PRKDC: variants seen among roughly 807,000 people sequenced by gnomAD.
PRKDC encodes DNA-dependent protein kinase catalytic subunit.
Under a neutral mutation model 486.9 loss-of-function variants are expected in PRKDC, and 82 were observed. That is an observed-to-expected ratio of 0.17 (90% CI 0.14 to 0.20). The LOEUF (loss-of-function observed/expected upper bound fraction) is 0.20, where lower values mean the gene tolerates loss of function less well. Ranked by LOEUF, PRKDC falls within the 10% of genes least tolerant of loss-of-function variation. PRKDC has a pLI of 1.00. For synonymous variants in PRKDC, 1,895 were observed against 1,837.0 expected, an observed-to-expected ratio of 1.03 and a Z score of -0.81; for missense variants, 4,504 against 5,038.2, an observed-to-expected ratio of 0.89 and a Z score of 3.21.
chr8:47,902,918 G>GA (rs1457805236), intron 26 of PRKDC, 123 bp from the exon 27 acceptor site: 6 of 629,762 alleles, frequency 9.5e-6, no homozygotes, highest in Middle Eastern at 4.6e-4. Flanking sequence ...CACTAGTCAA[G>GA]AAAAAAATAA....
Position 47,844,415 on chromosome 8 carries a change from T to C in PRKDC, c.7281-4226A>G, listed in dbSNP as rs2088220152. Reference sequence around the variant, plus strand: ...CATAAAATAAGTTCTTTTAGATCTATGAAGAGACTTACACAGGCACTCAAT... The same window carrying C: ...CATAAAATAAGTTCTTTTAGATCTACGAAGAGACTTACACAGGCACTCAAT... On this transcript the variant is annotated intron_variant, in intron 54 of 85. Transcript: ENST00000314191. Among the ~76,000 whole-genome samples the C allele has an allele frequency of 2.6e-5, 4 of 152,226 alleles. No homozygotes were observed. The South Asian group carries it at 8.3e-4, about 32-fold the overall frequency.
At chr8:47,895,474 A>G (rs902289051) in intron 30 of PRKDC, among the ~76,000 whole-genome samples, 1 of 152,186 alleles carries the variant, frequency 6.6e-6, no homozygotes, top group African/African-American at 2.4e-5. Flanking sequence ...ACAGCACTAG[A>G]AATGCCTGAG....
At position 47,957,287 on chromosome 8, in the gene PRKDC, G is replaced by A. The variant is rs181214394; in HGVS notation, c.232-24C>T. The A allele has an allele frequency of 3.2e-5, 51 of 1,571,380 alleles. No individual in the cohort carries two copies. The East Asian group carries it at 1.1e-3, about 33-fold the overall frequency. On this transcript the variant is annotated intron_variant, in intron 2 of 85. Transcript: ENST00000314191. ...AACTGTAATGAAAGAGATACATATT[G>A]TAAATATGGGTAAGAGGAGTCACTC...
At chr8:47,858,212 T>C (rs1458741498) in intron 48 of PRKDC, among the ~76,000 whole-genome samples, 1 of 147,804 alleles carries the variant, frequency 6.8e-6, no homozygotes, top group Non-Finnish European at 1.5e-5. Flanking sequence ...TTTTTCCTAC[T>C]ATAAGGAAAG....
intron 7 of PRKDC, among the ~76,000 whole-genome samples, chr8:47,947,034 C>G (rs1234478207): frequency 6.6e-6 from 1 of 152,202 alleles, no homozygotes; most frequent in Non-Finnish European, 1.5e-5. Context: ...CAAACACCAA[C>G]CCTGCGTCCT....
chr8:47,824,468 C>CAAAAAAAAAAAAAAAA (rs11369602), intron 63 of PRKDC, among the ~76,000 whole-genome samples: 1 of 37,692 alleles, frequency 2.7e-5, no homozygotes, highest in Non-Finnish European at 4.7e-5. Flanking sequence ...GACTCCGCCT[C>CAAAAAAAAAAAAAAAA]AAAAAAAAAA....
At chr8:47,843,155 C>A (rs1406021763) in intron 54 of PRKDC, among the ~76,000 whole-genome samples, 2 of 152,080 alleles carry the variant, frequency 1.3e-5, no homozygotes, top group African/African-American at 4.8e-5. Context: ...GGTTACACAG[C>A]AAGACCCTGT....
At chr8:47,783,900 C>A in intron 77 of PRKDC, 91 bp from the exon 78 acceptor site, 1 of 1,243,452 alleles carries the variant, frequency 8.0e-7, no homozygotes, top group South Asian at 1.2e-5. Context: ...TTTAAAAAGC[C>A]AATCTAACAT....
chr8:47,910,524 C>G (rs548993383), intron 25 of PRKDC, among the ~76,000 whole-genome samples: 1 of 152,180 alleles, frequency 6.6e-6, no homozygotes, highest in Non-Finnish European at 1.5e-5. Context: ...GCCATCTGTG[C>G]GCTGGTTCAG....
chr8:47,847,216 A>G (rs962543957), intron 54 of PRKDC, among the ~76,000 whole-genome samples: 1 of 152,200 alleles, frequency 6.6e-6, no homozygotes, highest in Non-Finnish European at 1.5e-5. Context: ...CAAAGCCAGA[A>G]CATCGTATTA....
At chr8:47,809,646 CAAG>C (rs2087288557) in intron 68 of PRKDC, among the ~76,000 whole-genome samples, 1 of 152,112 alleles carries the variant, frequency 6.6e-6, no homozygotes, top group Non-Finnish European at 1.5e-5. Context: ...GAGAATAAAC[CAAG>C]AAGAGAACCA....
At chr8:47,875,525 T>C (rs1046271641) in intron 40 of PRKDC, among the ~76,000 whole-genome samples, 8 of 152,244 alleles carry the variant, frequency 5.3e-5, no homozygotes, top group Non-Finnish European at 7.3e-5. Context: ...TTTAAATCTT[T>C]CCTATTTTCA....
chr8:47,902,773 T>A lies in PRKDC; in HGVS notation c.3065A>T (p.Asp1022Val), dbSNP rs1391015197. ...ACCACAAAAATCTCTTAAAGTACTG[T>A]CAACAGGGTCCACAATTCCATCCTG... ...AILDGIVDPV[D>V]STLRDFCGRC... The change falls in exon 27 of 86, where the codon GAC becomes GTC. Residue 1022 changes from aspartate to valine, a missense_variant. By Grantham distance (152) the Asp-to-Val change is radical (BLOSUM62 -3). Around this residue, in one of 6 missense-constraint regions of PRKDC, gnomAD observed 1,969 missense variants for 2,068.9 expected, o/e 0.95. Transcript: ENST00000314191. The A allele has an allele frequency of 3.1e-6, 5 of 1,610,656 alleles. No homozygotes were observed. Among genetic ancestry groups the A allele is most frequent in the Non-Finnish European group, 8.5e-7 (1 of 1,178,866 alleles).
intron 21 of PRKDC, among the ~76,000 whole-genome samples, chr8:47,919,872 A>G (rs1285919934): frequency 6.6e-6 from 1 of 152,144 alleles, no homozygotes; most frequent in East Asian, 1.9e-4. Flanking sequence ...TCTCTGCAGC[A>G]CTGCGACATG....
chr8:47,850,566 C>T (rs1455654124), intron 52 of PRKDC, among the ~76,000 whole-genome samples: 1 of 152,182 alleles, frequency 6.6e-6, no homozygotes, highest in Non-Finnish European at 1.5e-5. Flanking sequence ...ACCCTTAACA[C>T]AAAACCACAA....
At chr8:47,824,689 C>G (rs2087692760) in intron 63 of PRKDC, among the ~76,000 whole-genome samples, 1 of 152,172 alleles carries the variant, frequency 6.6e-6, no homozygotes, top group Non-Finnish European at 1.5e-5. Flanking sequence ...TGGACCATCT[C>G]AATTTGTTGG....
At chr8:47,920,005 G>A (rs549130017) in intron 21 of PRKDC, among the ~76,000 whole-genome samples, 1 of 152,288 alleles carries the variant, frequency 6.6e-6, no homozygotes, top group East Asian at 1.9e-4. Flanking sequence ...ACAATAGCAT[G>A]AGGCATCTGT....
Position 47,839,210 on chromosome 8 carries a change from T to G in PRKDC, c.7491A>C (p.Glu2497Asp), listed in dbSNP as rs774981081. ...PESETDNDSQ[E>D]IFKLAKDVLI... ...GCACATCTTTTGCCAACTTAAATAT[T>G]TCCTGGGAGTCATTATCTGTCTCAC... The change falls in exon 56 of 86, where the codon GAA becomes GAC. Residue 2497 changes from glutamate to aspartate, a missense_variant. Glu to Asp is a conservative substitution (Grantham distance 45). This residue lies in a region of PRKDC where 1,592 missense variants were observed against 1,724.6 expected (regional missense o/e 0.92). Coordinates refer to ENST00000314191, the MANE Select transcript of PRKDC (RefSeq NM_006904.7). 8.1e-6 allele frequency: 13 copies of G among 1,613,738 alleles called. No individual in the cohort carries two copies. The highest frequency in any genetic ancestry group is 1.1e-5 in the Non-Finnish European group (13 of 1,179,804).
chr8:47,948,997 G>A lies in PRKDC; in HGVS notation c.721+4623C>T, dbSNP rs200008031. ...ATTCTAAAGGTGAGAAGTCTGAAAT[G>A]ATTCTCATATTGAGCTAAATTTAAG... is the stretch of plus-strand genomic sequence containing the variant. On this transcript the variant is annotated intron_variant, in intron 7 of 85. Coordinates refer to ENST00000314191, the MANE Select transcript of PRKDC (RefSeq NM_006904.7). Among the ~76,000 whole-genome samples, 19 of 152,336 alleles carry A rather than the reference G, an allele frequency of 1.2e-4. No homozygotes were observed. In the East Asian group the frequency reaches 3.5e-3, roughly 28 times the overall value.
Sources: allele counts gnomAD v4.1 joint callset (sites outside exome capture counted in the v4.1 genomes callset), GRCh38; gene constraint gnomAD v4.1.1; regional missense constraint gnomAD v4.1.1; transcripts MANE v1.5; gene names NCBI Gene and HGNC (gene_info 2026-07-23, HGNC 2026-07-21).